Variants in SHCBP1 observed in about 807,000 individuals in gnomAD.
SHCBP1 encodes SHC binding and spindle associated 1.
In SHCBP1, 60 loss-of-function variants were observed where a neutral mutation model predicts 75.1. The observed-to-expected ratio is 0.80, with a 90% CI of 0.65 to 0.99. SHCBP1 has a LOEUF of 0.99. SHCBP1 is among the 50% of genes least tolerant of loss of function. The probability of loss-of-function intolerance (pLI) is 0.00; values close to 1 mark genes in which losing one functional copy is unlikely to be tolerated. For missense variants in SHCBP1, 709 were observed against 809.4 expected (o/e 0.88, Z 1.50); for synonymous variants, 290 against 293.2 (o/e 0.99, Z 0.11).
At chr16:46,618,830 A>C (rs576185848) in intron 1 of SHCBP1, among the ~76,000 whole-genome samples, 13 of 152,212 alleles carry the variant, frequency 8.5e-5, no homozygotes, top group Non-Finnish European at 1.8e-4. Flanking sequence ...TTTTTAATTC[A>C]GTGGAAATCA....
intron 10 of SHCBP1, among the ~76,000 whole-genome samples, chr16:46,592,602 C>T (rs1349457882): frequency 6.6e-6 from 1 of 151,970 alleles, no homozygotes; most frequent in Non-Finnish European, 1.5e-5. Context: ...TTTTATGAAG[C>T]TATTATTATC....
At chr16:46,601,126 T>C (rs1567448049) in intron 8 of SHCBP1, among the ~76,000 whole-genome samples, 1 of 152,060 alleles carries the variant, frequency 6.6e-6, no homozygotes. Flanking sequence ...CTGGCCAACA[T>C]GGAGAAACCC....
In SHCBP1 at chr16:46,617,708, A is replaced by C; in HGVS notation, c.313T>G (p.Phe105Val). 6.2e-7 allele frequency: 1 copy of C among 1,613,164 alleles called. No homozygotes were observed. Among genetic ancestry groups the C allele is most frequent in the Non-Finnish European group, 8.5e-7 (1 of 1,180,016 alleles). ...ASEVQEFTAE[F>V]LEKVLEPSGW... ...GATGGCTCAAGGACCTTCTCCAAGA[A>C]CTCAGCTGTGAATTCCTGTACCTCA... Residue 105 changes from phenylalanine (F) to valine (V), a missense_variant, in exon 3 of 13, where the codon TTC becomes GTC. Coordinates refer to ENST00000303383, the MANE Select transcript of SHCBP1 (RefSeq NM_024745.5).
chr16:46,600,277 G>A (rs549188104), intron 8 of SHCBP1, among the ~76,000 whole-genome samples: 6 of 152,258 alleles, frequency 3.9e-5, no homozygotes, highest in African/African-American at 1.4e-4. Context: ...GACCAGCCTA[G>A]GCAACACAGT....
chr16:46,583,029 C>A (rs1964897169), intron 12 of SHCBP1, among the ~76,000 whole-genome samples: 1 of 152,174 alleles, frequency 6.6e-6, no homozygotes, highest in South Asian at 2.1e-4. Flanking sequence ...GACAGGAAGG[C>A]ATTTACTTCT....
At chr16:46,617,353 A>T (rs1965515994) in intron 3 of SHCBP1, among the ~76,000 whole-genome samples, 1 of 152,246 alleles carries the variant, frequency 6.6e-6, no homozygotes, top group Non-Finnish European at 1.5e-5. Flanking sequence ...GAAGTTAAAC[A>T]CTTTTTTGAA....
intron 8 of SHCBP1, among the ~76,000 whole-genome samples, chr16:46,602,753 C>T (rs185659068): frequency 1.3e-4 from 20 of 152,326 alleles, no homozygotes; most frequent in Admixed American, 5.9e-4. Context: ...GCCTCAGCCT[C>T]CCAAGTAGCT....
intron 10 of SHCBP1, among the ~76,000 whole-genome samples, chr16:46,585,121 G>T (rs985632248): frequency 2.0e-5 from 3 of 152,116 alleles, no homozygotes; most frequent in Middle Eastern, 3.2e-3. Flanking sequence ...TCTATAGCAA[G>T]ATGGTTAAAA....
intron 10 of SHCBP1, among the ~76,000 whole-genome samples, chr16:46,595,087 A>G (rs1387777768): frequency 6.6e-6 from 1 of 152,186 alleles, no homozygotes; most frequent in Admixed American, 6.5e-5. Context: ...GTTAAGGAAG[A>G]GGTTGGTGGG....
At chr16:46,600,024 T>C (rs1965209124) in intron 8 of SHCBP1, 62 bp from the exon 9 acceptor site, 4 of 1,574,850 alleles carry the variant, frequency 2.5e-6, no homozygotes, top group Admixed American at 1.9e-5. Context: ...ACGTGAACAC[T>C]GTAGAACAAG....
chr16:46,612,708 A>G (rs1965439084), intron 4 of SHCBP1, among the ~76,000 whole-genome samples: 1 of 152,050 alleles, frequency 6.6e-6, no homozygotes, highest in Admixed American at 6.6e-5. Context: ...AGTGCCTTCC[A>G]CCTTTTCCAC....
chr16:46,618,354 TC>T lies in SHCBP1; in HGVS notation c.121del (p.Asp41IlefsTer50). ...SLEKGLFQDE[D>X]SCSDCSYRDK... is the part of the protein sequence containing the mutation. Reference sequence around the variant, plus strand: ...ACGGTAGCTACAATCACTGCATGAATCTTCATCTTGGAACAAACCTAAAAAA... The same window carrying T: ...ACGGTAGCTACAATCACTGCATGAATTTCATCTTGGAACAAACCTAAAAAA... On this transcript the variant is annotated frameshift_variant, in exon 2 of 13. Coordinates refer to ENST00000303383, the MANE Select transcript of SHCBP1 (RefSeq NM_024745.5). LOFTEE classifies it high-confidence loss of function. 1 of 1,597,670 alleles carries T rather than the reference TC, an allele frequency of 6.3e-7. No individual in the cohort carries two copies. Among genetic ancestry groups the T allele is most frequent in the Non-Finnish European group, 8.5e-7 (1 of 1,175,140 alleles).
intron 2 of SHCBP1, 30 bp from the exon 3 acceptor site, chr16:46,617,779 G>A (rs1965525161): frequency 6.6e-7 from 1 of 1,514,366 alleles, no homozygotes; most frequent in South Asian, 1.1e-5. Flanking sequence ...AGGAAGAATT[G>A]AGAATGCATA....
At chr16:46,586,840 T>A (rs1449959678) in intron 10 of SHCBP1, among the ~76,000 whole-genome samples, 1 of 152,044 alleles carries the variant, frequency 6.6e-6, no homozygotes, top group Non-Finnish European at 1.5e-5. Flanking sequence ...CAGAATCCTA[T>A]AACCAGTGAA....
rs1310549573 is a variant in SHCBP1, at chr16:46,580,071, G to A, written c.*1658C>T. On this transcript the variant is annotated 3_prime_UTR_variant, in exon 13 of 13. Coordinates refer to ENST00000303383, the MANE Select transcript of SHCBP1 (RefSeq NM_024745.5). ...ATTCAGGAGGTGGAGGTTACAGTAA[G>A]CCGAGATAGTGCCACTGCACTCCAG... Among the ~76,000 whole-genome samples, 1 of 150,970 alleles carries A rather than the reference G, an allele frequency of 6.6e-6. No individual in the cohort carries two copies. Among genetic ancestry groups the A allele is most frequent in the African/African-American group, 2.4e-5 (1 of 40,970 alleles).
At chr16:46,615,041 GGCA>G (rs1241495190) in intron 4 of SHCBP1, among the ~76,000 whole-genome samples, 1 of 152,134 alleles carries the variant, frequency 6.6e-6, no homozygotes, top group Non-Finnish European at 1.5e-5. Flanking sequence ...CCGCCCCTGA[GGCA>G]GCAAGACCAA....
Position 46,579,621 on chromosome 16 carries a change from G to A in SHCBP1, c.*2108C>T, listed in dbSNP as rs143924159. ...TTGAGAACAGCCTGGGCAACATGGTGAAACCCCATATCTACTAAAAATACA... is the reference window on the plus strand; with the variant it reads ...TTGAGAACAGCCTGGGCAACATGGTAAAACCCCATATCTACTAAAAATACA... On this transcript the variant is annotated 3_prime_UTR_variant, in exon 13 of 13. Coordinates refer to ENST00000303383, the MANE Select transcript of SHCBP1 (RefSeq NM_024745.5). Among the ~76,000 whole-genome samples, 761 of 150,570 alleles carry A rather than the reference G, an allele frequency of 5.1e-3. 5 individuals are homozygous for A. The highest frequency in any genetic ancestry group is 7.9e-3 in the Non-Finnish European group (537 of 67,628).
chr16:46,616,630 G>A lies in SHCBP1; in HGVS notation c.388-476C>T, dbSNP rs1242048887. Among the ~76,000 whole-genome samples the A allele has an allele frequency of 2.6e-5, 4 of 152,138 alleles. No individual in the cohort carries two copies. The highest frequency in any genetic ancestry group is 9.7e-5 in the African/African-American group (4 of 41,424). The stretch of plus-strand genomic sequence containing the variant: ...ATATGAGGTGAGAAAGAGAGGCAAC[G>A]AGACCAGGACATGAAGGACATCTGA... On this transcript the variant is annotated intron_variant, in intron 3 of 12. Coordinates refer to ENST00000303383, the MANE Select transcript of SHCBP1 (RefSeq NM_024745.5). This position sits in a 1 kb window ranked among gnomAD's most constrained non-coding sequence, Gnocchi z 4.4.
intron 5 of SHCBP1, among the ~76,000 whole-genome samples, chr16:46,606,998 T>A (rs1300156567): frequency 6.6e-6 from 1 of 151,908 alleles, no homozygotes; most frequent in Non-Finnish European, 1.5e-5. Flanking sequence ...TTTTTTTTTT[T>A]AGGTTTCGTA....
Sources: gnomAD v4.1 joint callset for allele counts (sites outside exome capture counted in the v4.1 genomes callset) on GRCh38, gnomAD v4.1.1 for gene constraint, Gnocchi (gnomAD v3.1) non-coding constraint, MANE v1.5 for transcripts, NCBI Gene and HGNC (gene_info 2026-07-23, HGNC 2026-07-21) for gene names.